Variants in SLC44A5 observed in about 807,000 individuals in gnomAD.
The protein encoded by SLC44A5 is solute carrier family 44 member 5.
SLC44A5 carries 57 observed loss-of-function variants against 101.8 expected under a neutral mutation model. That is an observed-to-expected ratio of 0.56 (90% confidence interval 0.45 to 0.70). The LOEUF is 0.70. Among genes scored for constraint, SLC44A5 ranks in the 30% least tolerant of loss-of-function variants. The pLI is 0.00. For synonymous variants in SLC44A5, 281 were observed against 290.9 expected (o/e 0.97, Z 0.35); for missense variants, 737 against 853.1 (o/e 0.86, Z 1.70).
At position 75,432,186 on chromosome 1, in the gene SLC44A5, C is replaced by A. The variant is rs1169993741; in HGVS notation, c.14-35565G>T. On this transcript the variant is annotated intron_variant, in intron 2 of 23. Transcript: ENST00000370859. Reference sequence around the variant, plus strand: ...TCCATTTCCCAGGCTGCCTGGTGAACCTTCCTAAAATGAATCTTTATTAAA... The same window carrying A: ...TCCATTTCCCAGGCTGCCTGGTGAAACTTCCTAAAATGAATCTTTATTAAA... 6.6e-5 allele frequency among the ~76,000 whole-genome samples: 10 copies of A among 152,252 alleles called. No individual in the cohort carries two copies. In the East Asian group the frequency reaches 1.5e-3, roughly 24 times the overall value.
intron 7 of SLC44A5, 27 bp from the exon 8 acceptor site, chr1:75,243,038 T>G (rs776898903): frequency 1.1e-5 from 18 of 1,578,380 alleles, no homozygotes; most frequent in Non-Finnish European, 1.5e-5. Context: ...TGATGAGAAC[T>G]GAACTGAGTT....
At chr1:75,490,925 T>C (rs1342844286) in intron 2 of SLC44A5, among the ~76,000 whole-genome samples, 2 of 151,730 alleles carry the variant, frequency 1.3e-5, no homozygotes, top group Non-Finnish European at 2.9e-5. Context: ...GTAAATCTAC[T>C]TTTTTAAAAA....
chr1:75,400,906 A>T (rs1413955046), intron 2 of SLC44A5, among the ~76,000 whole-genome samples: 1 of 152,156 alleles, frequency 6.6e-6, no homozygotes, highest in Non-Finnish European at 1.5e-5. Flanking sequence ...CTGCTTGCCA[A>T]ATTGGATTCT....
At chr1:75,682,512 C>T in the SLC44A5 span, among the ~76,000 whole-genome samples, 1 of 151,838 alleles carries the variant, frequency 6.6e-6, no homozygotes, top group Non-Finnish European at 1.5e-5. Context: ...GGAAAGGATT[C>T]CCTATTTAAT....
rs117534952 is a variant in SLC44A5, at chr1:75,472,544, C to T, written c.13+68891G>A. Among the ~76,000 whole-genome samples, 1,354 of 152,236 alleles carry T rather than the reference C, an allele frequency of 8.9e-3. 30 individuals are homozygous for T. Among genetic ancestry groups the T allele is most frequent in the African/African-American group, 0.031 (1,277 of 41,540 alleles). On this transcript the variant is annotated intron_variant, in intron 2 of 23. Coordinates refer to ENST00000370859, the MANE Select transcript of SLC44A5 (RefSeq NM_001130058.2). ...GCAAGCTAGGAGTGTTTTGAGCTTG[C>T]GCTGTGAAGTGAGATATCAGCGCCC...
At chr1:75,686,882 T>C in the SLC44A5 span, among the ~76,000 whole-genome samples, 1 of 152,094 alleles carries the variant, frequency 6.6e-6, no homozygotes, top group Admixed American at 6.5e-5. Flanking sequence ...ATAGAGTAAA[T>C]TGGACTTGCT....
rs865926239 is a variant in SLC44A5, at chr1:75,214,540, G to A, written c.1802+65C>T. On this transcript the variant is annotated intron_variant, in intron 20 of 23. Coordinates refer to ENST00000370859, the MANE Select transcript of SLC44A5 (RefSeq NM_001130058.2). Reference sequence around the variant, plus strand: ...CCACCAACACTTTAAATAACAACATGTAAAGGATGTAATGCTCAAGGTTCA... The same window carrying A: ...CCACCAACACTTTAAATAACAACATATAAAGGATGTAATGCTCAAGGTTCA... 14 of 1,264,220 alleles carry A rather than the reference G, an allele frequency of 1.1e-5. No homozygotes were observed. In the Middle Eastern group the frequency reaches 7.7e-4, roughly 70 times the overall value. 78.3% of individuals were successfully genotyped at this position (1,264,220 alleles called of 1,614,324 possible). A position where few individuals can be genotyped will look rare whatever the true frequency, so the allele number is the denominator to read the frequency against.
At chr1:75,252,886 C>A (rs1649701239) in intron 6 of SLC44A5, among the ~76,000 whole-genome samples, 1 of 152,162 alleles carries the variant, frequency 6.6e-6, no homozygotes, top group Admixed American at 6.5e-5. Context: ...GGAGGTGAAT[C>A]ACCAGGGATG....
At chr1:75,367,620 G>T (rs1344258126) in intron 3 of SLC44A5, among the ~76,000 whole-genome samples, 1 of 152,222 alleles carries the variant, frequency 6.6e-6, no homozygotes, top group Non-Finnish European at 1.5e-5. Flanking sequence ...ACCTGAAGCA[G>T]GGACAGATGT....
At chr1:75,625,919 T>C in the SLC44A5 span, among the ~76,000 whole-genome samples, 2 of 152,144 alleles carry the variant, frequency 1.3e-5, no homozygotes, top group African/African-American at 4.8e-5. Context: ...TTTGTAGATA[T>C]GGTGGCAAGA....
rs967032853 is a variant in SLC44A5, at chr1:75,486,601, TA to T, written c.13+54833del. On this transcript the variant is annotated intron_variant, in intron 2 of 23. Transcript: ENST00000370859. ...TGAAAAGCAGAAACTTTTTAACTGT[TA>T]AAAAAACTTTATTTTGGGATAAATG... is the stretch of plus-strand genomic sequence containing the variant. Among the ~76,000 whole-genome samples, 10 of 152,278 alleles carry T rather than the reference TA, an allele frequency of 6.6e-5. No individual in the cohort carries two copies. The East Asian group carries it at 1.2e-3, about 18-fold the overall frequency.
At chr1:75,482,716 G>A (rs1021163715) in intron 2 of SLC44A5, among the ~76,000 whole-genome samples, 7 of 152,102 alleles carry the variant, frequency 4.6e-5, no homozygotes, top group Non-Finnish European at 7.4e-5. Context: ...AACTTGTATA[G>A]CAGATGAAAT....
At chr1:75,563,476 T>C (rs1175860227) in intron 1 of SLC44A5, among the ~76,000 whole-genome samples, 1 of 151,776 alleles carries the variant, frequency 6.6e-6, no homozygotes, top group African/African-American at 2.4e-5. Flanking sequence ...TTTTCTACTG[T>C]ATCATCCCAG....
At chr1:75,699,053 A>G in the SLC44A5 span, among the ~76,000 whole-genome samples, 1 of 152,198 alleles carries the variant, frequency 6.6e-6, no homozygotes, top group African/African-American at 2.4e-5. Flanking sequence ...TGACGGGGAG[A>G]ATGGAACCAA....
At chr1:75,614,477 G>A (rs6593584), upstream of SLC44A5, among the ~76,000 whole-genome samples, 97,309 of 152,086 alleles carry the variant, frequency 0.64, 31,422 homozygotes, top group East Asian at 0.92. Context: ...ACGCTTTCCA[G>A]TAAGTGCTTT....
At chr1:75,497,760 A>C (rs750347555) in intron 2 of SLC44A5, among the ~76,000 whole-genome samples, 9 of 152,140 alleles carry the variant, frequency 5.9e-5, no homozygotes, top group Non-Finnish European at 1.3e-4. Flanking sequence ...TACCTTAAAT[A>C]TATACATTTC....
At chr1:75,660,171 T>C in the SLC44A5 span, among the ~76,000 whole-genome samples, 6 of 152,092 alleles carry the variant, frequency 3.9e-5, no homozygotes, top group Non-Finnish European at 7.3e-5. Flanking sequence ...GCTACTGCAC[T>C]CTATCTAGCC....
At chr1:75,676,564 A>G in the SLC44A5 span, among the ~76,000 whole-genome samples, 1 of 152,172 alleles carries the variant, frequency 6.6e-6, no homozygotes, top group Non-Finnish European at 1.5e-5. Context: ...TGGAAGGGGG[A>G]GCATTAGGAA....
chr1:75,534,401 C>A (rs1403074047), intron 2 of SLC44A5, among the ~76,000 whole-genome samples: 3 of 152,196 alleles, frequency 2.0e-5, no homozygotes, highest in African/African-American at 7.2e-5. Context: ...CCTCCTACTC[C>A]ATTTCTGAAA....
Sources: allele counts gnomAD v4.1 joint callset (sites outside exome capture counted in the v4.1 genomes callset), GRCh38; gene constraint gnomAD v4.1.1; transcripts MANE v1.5; gene names NCBI Gene and HGNC (gene_info 2026-07-23, HGNC 2026-07-21).